Variants in ADAMTSL1 observed in about 807,000 individuals in gnomAD.
ADAMTSL1 encodes the protein ADAMTS-like protein 1.
ADAMTSL1 carries 126 observed loss-of-function variants against 201.8 expected under a neutral mutation model. That is an observed-to-expected ratio of 0.62 (90% confidence interval 0.54 to 0.72). ADAMTSL1 has a LOEUF of 0.72. ADAMTSL1 is among the 30% of genes least tolerant of loss of function. The pLI, the probability that ADAMTSL1 is intolerant of heterozygous loss-of-function variation, is 0.00. For synonymous variants in ADAMTSL1, 1,121 were observed against 903.4 expected (o/e 1.24, Z -4.32); for missense variants, 2,679 against 2,277.8 (o/e 1.18, Z -3.59).
intron 2 of ADAMTSL1, among the ~76,000 whole-genome samples, chr9:18,261,978 T>G (rs895810196): frequency 6.6e-6 from 1 of 152,200 alleles, no homozygotes; most frequent in Admixed American, 6.5e-5. Context: ...CAAAAATATG[T>G]GAATTTCCCA....
At chr9:18,062,506 A>G (rs2186634) in intron 1 of ADAMTSL1, among the ~76,000 whole-genome samples, 92,261 of 151,884 alleles carry the variant, frequency 0.61, 28,074 homozygotes, top group African/African-American at 0.65. Flanking sequence ...ATACTTACTA[A>G]AGATTTTCCA....
At chr9:18,652,243 G>T (rs542174493) in intron 7 of ADAMTSL1, among the ~76,000 whole-genome samples, 85 of 151,764 alleles carry the variant, frequency 5.6e-4, no homozygotes, top group African/African-American at 2.0e-3. Context: ...GTGGTGGCAG[G>T]CATCTGTGAT....
At chr9:18,429,665 A>G (rs912396737) in intron 2 of ADAMTSL1, among the ~76,000 whole-genome samples, 12 of 152,340 alleles carry the variant, frequency 7.9e-5, no homozygotes, top group Admixed American at 7.8e-4. Flanking sequence ...TTATTAATTT[A>G]TCATTCCCCT....
chr9:18,845,332 G>C (rs1826035573), intron 23 of ADAMTSL1, among the ~76,000 whole-genome samples: 1 of 152,264 alleles, frequency 6.6e-6, no homozygotes, highest in Non-Finnish European at 1.5e-5. Context: ...TTACCAAGAG[G>C]AGGAAGATGT....
intron 1 of ADAMTSL1, among the ~76,000 whole-genome samples, chr9:18,086,623 A>G (rs1042708716): frequency 6.6e-6 from 1 of 152,194 alleles, no homozygotes; most frequent in East Asian, 1.9e-4. Flanking sequence ...CTACACTGTG[A>G]TACAACCACA....
At chr9:18,848,000 G>A (rs1197153585) in intron 23 of ADAMTSL1, among the ~76,000 whole-genome samples, 1 of 152,232 alleles carries the variant, frequency 6.6e-6, no homozygotes, top group Non-Finnish European at 1.5e-5. Flanking sequence ...AAACCATGTG[G>A]CCAACTGAAT....
intron 1 of ADAMTSL1, among the ~76,000 whole-genome samples, chr9:17,959,859 G>T (rs1399934425): frequency 6.6e-6 from 1 of 152,116 alleles, no homozygotes; most frequent in Admixed American, 6.6e-5. Flanking sequence ...AGTATGATCT[G>T]ATTTATCCAT....
intron 2 of ADAMTSL1, among the ~76,000 whole-genome samples, chr9:18,299,027 T>A (rs71506869): frequency 0.078 from 10,592 of 135,256 alleles, 504 homozygotes; most frequent in Non-Finnish European, 0.11. Context: ...AAAAAAATAA[T>A]AATAATAATA....
chr9:17,989,855 G>C (rs905102869), intron 1 of ADAMTSL1, among the ~76,000 whole-genome samples: 1 of 150,054 alleles, frequency 6.7e-6, no homozygotes, highest in Non-Finnish European at 1.5e-5. Context: ...GCAAAGAAAG[G>C]TCTTCTAAGT....
At chr9:18,027,828 A>T (rs1586915334) in intron 1 of ADAMTSL1, among the ~76,000 whole-genome samples, 1 of 151,962 alleles carries the variant, frequency 6.6e-6, no homozygotes, top group Non-Finnish European at 1.5e-5. Flanking sequence ...GAAGACCTCA[A>T]CTATTATTGT....
chr9:18,514,690 G>T (rs954199590), intron 2 of ADAMTSL1, among the ~76,000 whole-genome samples: 1 of 152,136 alleles, frequency 6.6e-6, no homozygotes, highest in African/African-American at 2.4e-5. Flanking sequence ...TTAGTCTTTC[G>T]TGAAGTATTT....
intron 13 of ADAMTSL1, among the ~76,000 whole-genome samples, chr9:18,701,047 GAC>G (rs930848747): frequency 1.3e-5 from 2 of 152,066 alleles, no homozygotes; most frequent in Non-Finnish European, 2.9e-5. Context: ...CATTCCACTA[GAC>G]ACAGTTAATC....
Position 18,456,866 on chromosome 9 carries a change from A to C in ADAMTSL1, c.208-47963A>C, listed in dbSNP as rs145106980. On this transcript the variant is annotated intron_variant, in intron 2 of 29. Coordinates refer to the ADAMTSL1 transcript ENST00000680146. The stretch of plus-strand genomic sequence containing the variant: ...GCTTTTGGTCATAGCACTCACTGCT[A>C]TCTGAAATTACCCTGTTCATTTATT... Among the ~76,000 whole-genome samples the C allele has an allele frequency of 2.1e-3, 327 of 152,276 alleles. 1 individual carries two copies. Among genetic ancestry groups the C allele is most frequent in the African/African-American group, 7.6e-3 (316 of 41,572 alleles).
At chr9:18,814,073 C>T (rs1389274133) in intron 20 of ADAMTSL1, among the ~76,000 whole-genome samples, 1 of 152,100 alleles carries the variant, frequency 6.6e-6, no homozygotes, top group Non-Finnish European at 1.5e-5. Flanking sequence ...TTATAATAGC[C>T]ATTCTAACTG....
intron 1 of ADAMTSL1, among the ~76,000 whole-genome samples, chr9:18,053,682 A>G (rs1035901154): frequency 6.6e-6 from 1 of 152,164 alleles, no homozygotes; most frequent in Non-Finnish European, 1.5e-5. Context: ...TGTCACTCCC[A>G]TGTTACATTC....
At chr9:18,886,166 G>GTATGTATA (rs55916376) in intron 23 of ADAMTSL1, among the ~76,000 whole-genome samples, 398 of 36,864 alleles carry the variant, frequency 0.011, 2 homozygotes, top group Non-Finnish European at 0.014. Flanking sequence ...GTGTGTATGT[G>GTATGTATA]TATATATATA....
At chr9:18,314,531 T>C (rs1418840029) in intron 2 of ADAMTSL1, among the ~76,000 whole-genome samples, 1 of 150,490 alleles carries the variant, frequency 6.6e-6, no homozygotes, top group Non-Finnish European at 1.5e-5. Flanking sequence ...CAGTCCAGAG[T>C]TGTTCCTTCC....
At chr9:17,927,357 TATA>T (rs1826583306) in intron 1 of ADAMTSL1, among the ~76,000 whole-genome samples, 1 of 152,182 alleles carries the variant, frequency 6.6e-6, no homozygotes, top group Admixed American at 6.6e-5. Flanking sequence ...TACATGTACA[TATA>T]TACATATGTG....
intron 1 of ADAMTSL1, among the ~76,000 whole-genome samples, chr9:18,032,351 A>C (rs1388776418): frequency 1.3e-5 from 2 of 152,190 alleles, no homozygotes; most frequent in African/African-American, 4.8e-5. Flanking sequence ...GACTTAGCCC[A>C]CAGCTTTGTC....
Sources: allele counts gnomAD v4.1 joint callset (sites outside exome capture counted in the v4.1 genomes callset), GRCh38; gene constraint gnomAD v4.1.1; transcripts MANE v1.5; gene names NCBI Gene and HGNC (gene_info 2026-07-23, HGNC 2026-07-21).